TCAF2: variants seen among roughly 807,000 people sequenced by gnomAD.
TCAF2 encodes TRPM8 channel associated factor 2, also known as TRPM8 channel-associated factor 2.
A neutral mutation model predicts 33.9 loss-of-function variants in TCAF2; 6 were observed. The ratio of observed to expected loss-of-function variants is 0.18; its 90% CI spans 0.10 to 0.35. The LOEUF is 0.35. Among genes scored for constraint, TCAF2 ranks in the 10% least tolerant of loss-of-function variants. The pLI, the probability that TCAF2 is intolerant of heterozygous loss-of-function variation, is 1.00. For synonymous variants in TCAF2, 41 were observed against 247.8 expected, an observed-to-expected ratio of 0.17 and a Z score of 7.84; for missense variants, 109 against 604.0, an observed-to-expected ratio of 0.18 and a Z score of 8.59.
chr7:143,648,427 T>C (rs1354884101), intron 1 of TCAF2, among the ~76,000 whole-genome samples: 1 of 137,830 alleles, frequency 7.3e-6, no homozygotes, highest in East Asian at 2.2e-4. Flanking sequence ...ATTAAACATA[T>C]AAACAAGTTA....
At chr7:143,719,511 A>C (rs1345149043) in intron 2 of TCAF2, among the ~76,000 whole-genome samples, 172 bp from the exon 3 acceptor site, 2 of 150,822 alleles carry the variant, frequency 1.3e-5, no homozygotes, top group African/African-American at 2.5e-5. Flanking sequence ...TGCCTTAAAC[A>C]TGATAAAAAT....
rs1231800448 is a variant in TCAF2 at position 143,621,038 on chromosome 7, A to G, written c.-12+18A>G. Reference sequence around the variant, plus strand: ...GCTCAGGGGTGAGTTTTCCAATCCCAGCGGGTCCTGGGGTGGGGGCGGTAG... The same window carrying G: ...GCTCAGGGGTGAGTTTTCCAATCCCGGCGGGTCCTGGGGTGGGGGCGGTAG... On this transcript the variant is annotated intron_variant, in intron 1 of 7. Transcript: ENST00000684770. The G allele has an allele frequency of 5.6e-6, 1 of 178,326 alleles. No homozygotes were observed. The highest frequency in any genetic ancestry group is 3.5e-5 in the African/African-American group (1 of 28,792). 11.0% of individuals were successfully genotyped at this position (178,326 alleles called of 1,614,324 possible). A position where few individuals can be genotyped will look rare whatever the true frequency, so the allele number is the denominator to read the frequency against.
intron 1 of TCAF2, among the ~76,000 whole-genome samples, chr7:143,636,465 C>T: frequency 6.4e-4 from 1 of 1,558 alleles, no homozygotes; most frequent in African/African-American, 1.1e-3. Context: ...ATTAATATTG[C>T]CCTTAGGATA....
rs1809614492 is a variant in TCAF2 at position 143,724,555 on chromosome 7, A to T, written c.2363A>T (p.Glu788Val). The change falls in exon 7 of 8, where the codon GAA becomes GTA. Residue 788 changes from glutamate (E) to valine (V), a missense_variant. Physicochemically the swap from Glu to Val is moderately radical, Grantham distance 121 (BLOSUM62 -2). Coordinates refer to ENST00000684770, the MANE Select transcript of TCAF2 (RefSeq NM_001363538.2). ...TCNLWSVYVH[E>V]TVLGIPRAQA... is the part of the protein sequence containing the mutation. ...AACCTTTGGTCAGTCTACGTGCATGAAACAGTCCTGGGGATCCCCAGGGCT... is the reference window on the plus strand; with the variant it reads ...AACCTTTGGTCAGTCTACGTGCATGTAACAGTCCTGGGGATCCCCAGGGCT... 6.2e-7 allele frequency: 1 copy of T among 1,610,810 alleles called. No homozygotes were observed. Among genetic ancestry groups the T allele is most frequent in the South Asian group, 1.1e-5 (1 of 90,950 alleles).
At chr7:143,718,152 G>A in intron 2 of TCAF2, among the ~76,000 whole-genome samples, 1 of 46,294 alleles carries the variant, frequency 2.2e-5, no homozygotes, top group Non-Finnish European at 3.9e-5. Context: ...AAGAGAATCT[G>A]CACAAGAGTT....
chr7:143,724,578 G>A lies in TCAF2; in HGVS notation c.2386G>A (p.Ala796Thr), dbSNP rs146274788. 1.8e-5 allele frequency: 29 copies of A among 1,610,962 alleles called. No individual in the cohort carries two copies. The Middle Eastern group carries it at 6.8e-4, about 38-fold the overall frequency. Residue 796 changes from alanine (A) to threonine (T), a missense_variant, in exon 7 of 8, where the codon GCT (alanine) becomes ACT (threonine). Coordinates refer to ENST00000684770, the MANE Select transcript of TCAF2 (RefSeq NM_001363538.2). ...VHETVLGIPR[A>T]QAHEALSPPE... ...TGAAACAGTCCTGGGGATCCCCAGG[G>A]CTCAGGCCCACGAGGCTCTGAGCCC...
At chr7:143,718,391 T>C (rs983242707) in intron 2 of TCAF2, among the ~76,000 whole-genome samples, 2 of 150,518 alleles carry the variant, frequency 1.3e-5, no homozygotes, top group South Asian at 2.1e-4. Context: ...GTTCTGCTTC[T>C]ATGTCTGGTT....
intron 2 of TCAF2, among the ~76,000 whole-genome samples, chr7:143,718,546 T>C (rs1809406043): frequency 6.6e-6 from 1 of 151,770 alleles, no homozygotes; most frequent in Admixed American, 6.6e-5. Flanking sequence ...CAATCTATTG[T>C]TAACCATAAT....
At chr7:143,701,830 T>TATTTTA (rs1809177872) in intron 1 of TCAF2, among the ~76,000 whole-genome samples, 1 of 113,624 alleles carries the variant, frequency 8.8e-6, no homozygotes, top group African/African-American at 3.5e-5. Flanking sequence ...TATTTTATTT[T>TATTTTA]TTGAGGCAGA....
Position 143,720,695 on chromosome 7 carries a change from G to A in TCAF2, c.1615+21G>A. The A allele has an allele frequency of 3.2e-6, 3 of 942,422 alleles. 1 individual carries two copies. Among genetic ancestry groups the A allele is most frequent in the Non-Finnish European group, 2.8e-6 (2 of 711,674 alleles). 58.4% of individuals were successfully genotyped at this position (942,422 alleles called of 1,614,324 possible). A position where few individuals can be genotyped will look rare whatever the true frequency, so the allele number is the denominator to read the frequency against. On this transcript the variant is annotated intron_variant, in intron 3 of 7. Transcript: ENST00000684770. ...CCCAGGTATGAAAACAGGAGAGAGTGCCCAGAACATTAAAGATGTAGGGGA... is the reference window on the plus strand; with the variant it reads ...CCCAGGTATGAAAACAGGAGAGAGTACCCAGAACATTAAAGATGTAGGGGA...
chr7:143,701,747 C>CTTTATTTTAT (rs1317801516), intron 1 of TCAF2, among the ~76,000 whole-genome samples: 1 of 86,468 alleles, frequency 1.2e-5, no homozygotes, highest in African/African-American at 4.3e-5. Flanking sequence ...ATATTCTTTG[C>CTTTATTTTAT]TTTATTTTAT....
intron 2 of TCAF2, among the ~76,000 whole-genome samples, chr7:143,707,920 TTC>T: frequency 4.3e-5 from 5 of 115,934 alleles, no homozygotes. Flanking sequence ...TCCCATCACC[TTC>T]AGGTGGGGCT....
At position 143,719,882 on chromosome 7, in the gene TCAF2, T is replaced by G. The variant is rs1230033644; in HGVS notation, c.823T>G (p.Cys275Gly). Residue 275 changes from cysteine (C) to glycine (G), a missense_variant, in exon 3 of 8, where the codon TGC (cysteine) becomes GGC (glycine). Physicochemically the swap from Cys to Gly is radical, Grantham distance 159. Coordinates refer to ENST00000684770, the MANE Select transcript of TCAF2 (RefSeq NM_001363538.2). ...RGRVVLAAHE[C>G]LLCAPKMGPF... is the part of the protein sequence containing the mutation. ...CCGGGTGGTCCTGGCTGCCCACGAG[T>G]GCCTGCTCTGTGCTCCCAAGATGGG... The G allele has an allele frequency of 8.4e-7, 1 of 1,185,046 alleles. No individual in the cohort carries two copies. The allele number at this position is 1,185,046 out of a possible 1,614,324, so 73.4% of individuals were successfully genotyped here.
chr7:143,725,696 G>C (rs1408476963), intron 7 of TCAF2, among the ~76,000 whole-genome samples: 2 of 103,598 alleles, frequency 1.9e-5, no homozygotes, highest in African/African-American at 6.3e-5. Flanking sequence ...AGCCAGTCTG[G>C]GGGTATACGG....
In TCAF2 at chr7:143,724,588, A is replaced by T; in HGVS notation, c.2396A>T (p.His799Leu). Residue 799 changes from histidine (H) to leucine (L), a missense_variant, in exon 7 of 8, where the codon CAC (histidine) becomes CTC (leucine). His to Leu is a moderately conservative substitution (Grantham distance 99). Coordinates refer to ENST00000684770, the MANE Select transcript of TCAF2 (RefSeq NM_001363538.2). ...CTGGGGATCCCCAGGGCTCAGGCCC[A>T]CGAGGCTCTGAGCCCTCCAGAGCGA... ...TVLGIPRAQA[H>L]EALSPPERER... The T allele has an allele frequency of 6.2e-7, 1 of 1,610,964 alleles. No individual in the cohort carries two copies.
chr7:143,701,762 C>T lies in TCAF2; in HGVS notation c.-11-1222C>T, dbSNP rs868056971. ...ATATTCTTTGCTTTATTTTATTTTA[C>T]TTTATTTTATTTTATTTTATTTTAT... On this transcript the variant is annotated intron_variant, in intron 1 of 7. Transcript: ENST00000684770. 6.2e-3 allele frequency among the ~76,000 whole-genome samples: 601 copies of T among 97,294 alleles called. 18 individuals carry two copies. Among genetic ancestry groups the T allele is most frequent in the African/African-American group, 0.024 (559 of 22,994 alleles). The allele number at this position is 97,294 out of a possible 152,430, so 63.8% of individuals were successfully genotyped here. A position where few individuals can be genotyped will look rare whatever the true frequency, so the allele number is the denominator to read the frequency against.
intron 2 of TCAF2, among the ~76,000 whole-genome samples, chr7:143,711,837 T>TG (rs1343323673): frequency 1.3e-5 from 1 of 75,620 alleles, no homozygotes; most frequent in East Asian, 4.4e-4. Flanking sequence ...AATATAGGGC[T>TG]GGGGGTTGCG....
At chr7:143,718,510 A>G (rs559365325) in intron 2 of TCAF2, among the ~76,000 whole-genome samples, 69 of 152,192 alleles carry the variant, frequency 4.5e-4, no homozygotes, top group Non-Finnish European at 7.3e-4. Flanking sequence ...ATTACCTAAT[A>G]TTTATTTTAA....
Position 143,728,338 on chromosome 7 carries a change from A to G in TCAF2, c.*671A>G, listed in dbSNP as rs1405637581. ...GTCCTTGTATATTTAGAGAATGTCA[A>G]TGTTTTCCCAGACATGGTATCAATA... On this transcript the variant is annotated 3_prime_UTR_variant, in exon 8 of 8. Coordinates refer to ENST00000684770, the MANE Select transcript of TCAF2 (RefSeq NM_001363538.2). 1.3e-5 allele frequency: 2 copies of G among 153,730 alleles called. No homozygotes were observed. The highest frequency in any genetic ancestry group is 1.9e-4 in the East Asian group (1 of 5,198). The allele number at this position is 153,730 out of a possible 1,614,324, so 9.5% of individuals were successfully genotyped here.
Sources: gnomAD v4.1 joint callset for allele counts (sites outside exome capture counted in the v4.1 genomes callset) on GRCh38, gnomAD v4.1.1 for gene constraint, MANE v1.5 for transcripts, NCBI Gene and HGNC (gene_info 2026-07-23, HGNC 2026-07-21) for gene names.